CHD9: variants seen among roughly 807,000 people sequenced by gnomAD.
CHD9 encodes the protein chromodomain helicase DNA binding protein 9.
CHD9 carries 77 observed loss-of-function variants against 316.1 expected under a neutral mutation model. That is an observed-to-expected ratio of 0.24 (90% CI 0.20 to 0.29). The LOEUF is 0.29. CHD9 is among the 10% of genes least tolerant of loss of function. The pLI is 1.00. For missense variants in CHD9, 2,763 were observed against 3,438.1 expected, an observed-to-expected ratio of 0.80 and a Z score of 4.91; for synonymous variants, 1,129 against 1,158.3, an observed-to-expected ratio of 0.97 and a Z score of 0.51.
chr16:53,121,364 A>G, intron 1 of CHD9: 1 of 456,092 alleles, frequency 2.2e-6, no homozygotes, highest in Non-Finnish European at 4.4e-6. Context: ...AGAAGGAATG[A>G]GATGCTCGGG....
At chr16:53,193,810 T>G (rs911056722) in intron 2 of CHD9, among the ~76,000 whole-genome samples, 3 of 152,218 alleles carry the variant, frequency 2.0e-5, no homozygotes, top group Non-Finnish European at 4.4e-5. Flanking sequence ...TTAGATACTA[T>G]GATTATCCTC....
At position 53,081,027 on chromosome 16, in the gene CHD9, TC is replaced by T. The variant is rs2034972254; in HGVS notation, c.-165+25952del. Among the ~76,000 whole-genome samples, 3 of 152,344 alleles carry T rather than the reference TC, an allele frequency of 2.0e-5. No homozygotes were observed. The South Asian group carries it at 6.2e-4, about 32-fold the overall frequency. On this transcript the variant is annotated intron_variant, in intron 1 of 38. Transcript: ENST00000447540. ...ACGCAAAGTGGGTCTGGTGTCTTAT[TC>T]CTTGTTTATTCCCTTCCTTCTCCTT...
rs368699546 is a variant in CHD9 at position 53,157,191 on chromosome 16, G to A, written c.1102G>A (p.Gly368Arg). ...HMNFPDPVDS[G>R]TQMGHFNDHV... is the part of the protein sequence containing the mutation. ...GAACTTCCCAGATCCTGTTGACTCA[G>A]GAACTCAAATGGGCCATTTCAATGA... The change falls in exon 2 of 39, where the codon GGA becomes AGA. Residue 368 changes from glycine (G) to arginine (R), a missense_variant. Physicochemically the swap from Gly to Arg is moderately radical, Grantham distance 125. Around this residue, in one of 15 missense-constraint regions of CHD9, gnomAD observed 859 missense variants for 890.4 expected, o/e 0.96. Transcript: ENST00000447540. 8 of 1,607,368 alleles carry A rather than the reference G, an allele frequency of 5.0e-6. No homozygotes were observed. Among genetic ancestry groups the A allele is most frequent in the Non-Finnish European group, 6.8e-6 (8 of 1,176,348 alleles).
intron 1 of CHD9, among the ~76,000 whole-genome samples, chr16:53,070,436 AG>A (rs1365685757): frequency 6.6e-6 from 1 of 151,902 alleles, no homozygotes; most frequent in Non-Finnish European, 1.5e-5. Flanking sequence ...TGTAAGGTTA[AG>A]GATACAACTT....
chr16:53,068,776 C>T (rs1031343263), intron 1 of CHD9, among the ~76,000 whole-genome samples: 9 of 152,276 alleles, frequency 5.9e-5, no homozygotes, highest in Admixed American at 2.0e-4. Context: ...TTTATACCTG[C>T]GGTAAGTTTT....
chr16:53,267,850 A>G (rs1345169266), intron 21 of CHD9, 77 bp from the exon 22 acceptor site: 1 of 1,312,402 alleles, frequency 7.6e-7, no homozygotes, highest in Non-Finnish European at 1.1e-6. Flanking sequence ...AAAGTTTTTC[A>G]TTCCTTTTAT....
rs138900440 is a variant in CHD9, at chr16:53,096,600, C to T, written c.-165+41523C>T. On this transcript the variant is annotated intron_variant, in intron 1 of 38. Transcript: ENST00000447540. ...GTAAATGATAGAGCCAGGATCTGAA[C>T]GCTGGCATCTGACACCTAAGTCCTT... 1.4e-4 allele frequency among the ~76,000 whole-genome samples: 21 copies of T among 152,282 alleles called. No homozygotes were observed. The East Asian group carries it at 1.7e-3, about 13-fold the overall frequency.
chr16:53,194,959 G>A (rs960757859), intron 2 of CHD9, among the ~76,000 whole-genome samples: 12 of 152,332 alleles, frequency 7.9e-5, no homozygotes, highest in Non-Finnish European at 1.6e-4. Flanking sequence ...TAAGAGAACA[G>A]TTGGTCTTTT....
rs542808997 is a variant in CHD9 at position 53,182,377 on chromosome 16, T to G, written c.1452+24836T>G. Among the ~76,000 whole-genome samples, 523 of 152,222 alleles carry G rather than the reference T, an allele frequency of 3.4e-3. 5 individuals are homozygous for G. Among genetic ancestry groups the G allele is most frequent in the Non-Finnish European group, 3.8e-3 (259 of 67,998 alleles). Reference sequence around the variant, plus strand: ...ATCCAGCTGATTTTTTTAAAAAATTTGTGGAGATGGGGGTCTTACTATGTT... The same window carrying G: ...ATCCAGCTGATTTTTTTAAAAAATTGGTGGAGATGGGGGTCTTACTATGTT... On this transcript the variant is annotated intron_variant, in intron 2 of 38. Coordinates refer to ENST00000447540, the MANE Select transcript of CHD9 (RefSeq NM_001308319.2).
At chr16:53,075,322 G>C (rs1319952810) in intron 1 of CHD9, among the ~76,000 whole-genome samples, 1 of 152,176 alleles carries the variant, frequency 6.6e-6, no homozygotes, top group African/African-American at 2.4e-5. Flanking sequence ...AGAGACTTCG[G>C]AATGTGGACT....
chr16:53,130,760 G>T (rs935704612), intron 1 of CHD9, among the ~76,000 whole-genome samples: 29 of 151,976 alleles, frequency 1.9e-4, no homozygotes, highest in African/African-American at 6.0e-4. Flanking sequence ...GAGGGAAGGG[G>T]AGCGGCGAAG....
chr16:53,100,754 C>T (rs1056685518), intron 1 of CHD9, among the ~76,000 whole-genome samples: 8 of 152,184 alleles, frequency 5.3e-5, no homozygotes. Flanking sequence ...GCGTGAGCTG[C>T]CACCCCCAGC....
chr16:53,070,693 A>G (rs1477948742), intron 1 of CHD9, among the ~76,000 whole-genome samples: 1 of 151,988 alleles, frequency 6.6e-6, no homozygotes, highest in Non-Finnish European at 1.5e-5. Context: ...TAGCTGGACT[A>G]CAGACATGCA....
At chr16:53,123,043 A>G (rs1017886550) in intron 1 of CHD9, among the ~76,000 whole-genome samples, 21 of 148,812 alleles carry the variant, frequency 1.4e-4, no homozygotes, top group Non-Finnish European at 5.9e-5. Flanking sequence ...TTATATTTTT[A>G]GTACAGATGG....
chr16:53,208,031 T>C (rs2046019946), intron 2 of CHD9: 1 of 995,062 alleles, frequency 1.0e-6, no homozygotes, highest in Admixed American at 6.1e-5. Context: ...TTCATTTCTT[T>C]CTGTGCTTTG....
At chr16:53,287,238 G>A (rs2053956007) in intron 26 of CHD9, among the ~76,000 whole-genome samples, 1 of 152,110 alleles carries the variant, frequency 6.6e-6, no homozygotes, top group Admixed American at 6.6e-5. Flanking sequence ...CCCAAAGTGC[G>A]GAGATTATAG....
At chr16:53,218,260 A>G (rs1022824267) in intron 3 of CHD9, among the ~76,000 whole-genome samples, 2 of 152,154 alleles carry the variant, frequency 1.3e-5, no homozygotes, top group Non-Finnish European at 2.9e-5. Flanking sequence ...GACATGTAGA[A>G]CAATGTTGGA....
In CHD9 at chr16:53,229,116, A is replaced by G. The variant is rs757662849; in HGVS notation, c.2286+16A>G. 7.4e-7 allele frequency: 1 copy of G among 1,348,336 alleles called. No individual in the cohort carries two copies. The highest frequency in any genetic ancestry group is 1.3e-5 in the South Asian group (1 of 75,994). The allele number at this position is 1,348,336 out of a possible 1,614,324, so 83.5% of individuals were successfully genotyped here. On this transcript the variant is annotated intron_variant, in intron 8 of 38. Transcript: ENST00000447540. ...TTTTGCAGACGTAAGAAAAAAATAAATAAGACTATTATGTGTTGGTCTCTG... is the reference window on the plus strand; with the variant it reads ...TTTTGCAGACGTAAGAAAAAAATAAGTAAGACTATTATGTGTTGGTCTCTG...
intron 2 of CHD9, among the ~76,000 whole-genome samples, chr16:53,165,419 A>G (rs1372154821): frequency 1.3e-5 from 2 of 152,212 alleles, no homozygotes; most frequent in South Asian, 2.1e-4. Flanking sequence ...TAGATGGAAT[A>G]TATTTTAGCA....
Sources: allele counts gnomAD v4.1 joint callset (sites outside exome capture counted in the v4.1 genomes callset), GRCh38; gene constraint gnomAD v4.1.1; regional missense constraint gnomAD v4.1.1; transcripts MANE v1.5; gene names NCBI Gene and HGNC (gene_info 2026-07-23, HGNC 2026-07-21).